Variants in CD96 observed in about 807,000 individuals in gnomAD.
CD96 encodes CD96 molecule, also known as T-cell surface protein tactile.
CD96 carries 70 observed loss-of-function variants against 71.3 expected under a neutral mutation model. That is an observed-to-expected ratio of 0.98 (90% CI 0.81 to 1.20). The LOEUF (loss-of-function observed/expected upper bound fraction) is 1.20, where lower values mean the gene tolerates loss of function less well. Among genes scored for constraint, CD96 ranks in the 50% most tolerant of loss-of-function variants. The pLI is 0.00. For missense variants in CD96, 742 were observed against 677.5 expected, an observed-to-expected ratio of 1.10 and a Z score of -1.06; for synonymous variants, 248 against 233.0, an observed-to-expected ratio of 1.06 and a Z score of -0.59.
intron 2 of CD96, among the ~76,000 whole-genome samples, chr3:111,552,120 C>T (rs1576303863): frequency 6.6e-6 from 1 of 152,148 alleles, no homozygotes; most frequent in East Asian, 1.9e-4. Context: ...TATTCATGTC[C>T]TGTGCCCACT....
chr3:111,604,221 C>T (rs1176323548), intron 7 of CD96, among the ~76,000 whole-genome samples: 1 of 152,122 alleles, frequency 6.6e-6, no homozygotes, highest in African/African-American at 2.4e-5. Flanking sequence ...TGCTGCTGCC[C>T]ATGAGGGTGG....
chr3:111,542,293 G>T lies in CD96; in HGVS notation c.45G>T (p.Gln15His). 5 of 1,613,802 alleles carry T rather than the reference G, an allele frequency of 3.1e-6. No individual in the cohort carries two copies. In the South Asian group the frequency reaches 5.5e-5, roughly 18 times the overall value. ...ACTGTGCTGTCTATTACATCATCCA[G>T]ATACATTTTGTCAAGGGTAAGACTT... Reference protein sequence around the residue: ...WKYCAVYYIIQIHFVKGVWEK... With the variant: ...WKYCAVYYIIHIHFVKGVWEK... Residue 15 changes from glutamine to histidine, a missense_variant, in exon 1 of 14, where the codon CAG becomes CAT. Physicochemically the swap from Gln to His is conservative, Grantham distance 24 (BLOSUM62 0). Coordinates refer to ENST00000352690, the MANE Select transcript of CD96 (RefSeq NM_005816.5).
intron 7 of CD96, among the ~76,000 whole-genome samples, chr3:111,602,213 C>T (rs758293439): frequency 4.6e-5 from 7 of 152,080 alleles, no homozygotes; most frequent in Non-Finnish European, 1.0e-4. Context: ...CTAAAGGACC[C>T]TAAAAGCTCA....
At position 111,546,338 on chromosome 3, in the gene CD96, T is replaced by C. The variant is rs576235397; in HGVS notation, c.418+936T>C. ...GAATTTATGAAAGTGATTCTGGGTA[T>C]ACAATATTTAGTCTAGGGCAGGTAA... On this transcript the variant is annotated intron_variant, in intron 2 of 13. Transcript: ENST00000352690. Among the ~76,000 whole-genome samples, 11 of 152,272 alleles carry C rather than the reference T, an allele frequency of 7.2e-5. No homozygotes were observed. The South Asian group carries it at 2.3e-3, about 32-fold the overall frequency.
chr3:111,565,805 A>G (rs1935680250), intron 2 of CD96, among the ~76,000 whole-genome samples: 1 of 151,796 alleles, frequency 6.6e-6, no homozygotes, highest in African/African-American at 2.4e-5. Context: ...AGTGCAAGAA[A>G]ATATATAACC....
At chr3:111,653,010 A>G (rs751722511), downstream of CD96, among the ~76,000 whole-genome samples, 5 of 152,098 alleles carry the variant, frequency 3.3e-5, no homozygotes, top group Non-Finnish European at 7.4e-5. Context: ...GTTAGTTAAC[A>G]TTGTTATTCA....
chr3:111,599,735 G>A (rs1359021103), intron 6 of CD96, among the ~76,000 whole-genome samples: 2 of 151,862 alleles, frequency 1.3e-5, no homozygotes, highest in Middle Eastern at 3.4e-3. Context: ...AAAAAAAAAA[G>A]TTATTATAAA....
At position 111,637,108 on chromosome 3, in the gene CD96, T is replaced by A. The variant is rs1278005777; in HGVS notation, c.1322-88T>A. 6 of 765,016 alleles carry A rather than the reference T, an allele frequency of 7.8e-6. No homozygotes were observed. The East Asian group carries it at 1.6e-4, about 20-fold the overall frequency. The allele number at this position is 765,016 out of a possible 1,614,324, so 47.4% of individuals were successfully genotyped here. A position where few individuals can be genotyped will look rare whatever the true frequency, so the allele number is the denominator to read the frequency against. On this transcript the variant is annotated intron_variant, in intron 10 of 13. Coordinates refer to ENST00000352690, the MANE Select transcript of CD96 (RefSeq NM_005816.5). ...TGCTTTATGTACTCATTAATATCCTTTTTTATAATTATTAGATTAAATTAG... is the reference window on the plus strand; with the variant it reads ...TGCTTTATGTACTCATTAATATCCTATTTTATAATTATTAGATTAAATTAG...
At chr3:111,620,660 G>A (rs183503496) in intron 8 of CD96, among the ~76,000 whole-genome samples, 6,018 of 152,270 alleles carry the variant, frequency 0.04, 169 homozygotes, top group Middle Eastern at 0.068. Flanking sequence ...CCTGGGGAAA[G>A]AGACTAGGAG....
chr3:111,568,814 C>T (rs546072596), intron 3 of CD96, among the ~76,000 whole-genome samples: 7 of 152,222 alleles, frequency 4.6e-5, no homozygotes, highest in Admixed American at 1.3e-4. Context: ...AACCAAATGG[C>T]AGCCAGCTAC....
intron 3 of CD96, among the ~76,000 whole-genome samples, chr3:111,573,786 T>C (rs1397170050): frequency 6.6e-5 from 10 of 152,214 alleles, no homozygotes; most frequent in Non-Finnish European, 1.3e-4. Context: ...CTATTTATGT[T>C]AAAAGGTAAG....
At chr3:111,646,477 A>T (rs1939831295) in intron 12 of CD96, among the ~76,000 whole-genome samples, 1 of 152,098 alleles carries the variant, frequency 6.6e-6, no homozygotes, top group Non-Finnish European at 1.5e-5. Flanking sequence ...CACTAGAGAA[A>T]TGCAAATTAA....
intron 4 of CD96, among the ~76,000 whole-genome samples, chr3:111,581,854 A>G (rs1196542732): frequency 6.6e-6 from 1 of 152,196 alleles, no homozygotes; most frequent in African/African-American, 2.4e-5. Flanking sequence ...AAACATCGAG[A>G]TAAGGATTGC....
intron 2 of CD96, among the ~76,000 whole-genome samples, chr3:111,546,893 A>G (rs527492755): frequency 2.1e-4 from 18 of 86,920 alleles, no homozygotes; most frequent in African/African-American, 5.7e-4. Flanking sequence ...AGGAAAACAC[A>G]CCACACACAC....
At chr3:111,580,099 C>T (rs1936398616) in intron 4 of CD96, among the ~76,000 whole-genome samples, 1 of 152,168 alleles carries the variant, frequency 6.6e-6, no homozygotes, top group Non-Finnish European at 1.5e-5. Flanking sequence ...GAAGTTCCTC[C>T]TCCCCTGCTA....
At chr3:111,657,961 C>T (rs1940273294) in intron 14 of CD96, among the ~76,000 whole-genome samples, 1 of 152,058 alleles carries the variant, frequency 6.6e-6, no homozygotes, top group Non-Finnish European at 1.5e-5. Context: ...TGTATATGTG[C>T]CTATATTTCC....
At chr3:111,634,610 A>G (rs1338484066) in intron 10 of CD96, 1 of 152,204 alleles carries the variant, frequency 6.6e-6, no homozygotes, top group Non-Finnish European at 1.5e-5. Flanking sequence ...TTAAAAGACA[A>G]TAGCGACAGG....
intron 4 of CD96, among the ~76,000 whole-genome samples, chr3:111,584,004 C>T (rs1433045438): frequency 1.3e-5 from 2 of 152,196 alleles, no homozygotes; most frequent in Non-Finnish European, 2.9e-5. Flanking sequence ...CATAGTCAGG[C>T]TGCAAATTTT....
intron 5 of CD96, among the ~76,000 whole-genome samples, chr3:111,587,543 T>C (rs1936772686): frequency 6.6e-6 from 1 of 152,182 alleles, no homozygotes; most frequent in Non-Finnish European, 1.5e-5. Flanking sequence ...TGAAGAATGG[T>C]GGTCCTCTTC....
Sources: gnomAD v4.1 joint callset for allele counts (sites outside exome capture counted in the v4.1 genomes callset) on GRCh38, gnomAD v4.1.1 for gene constraint, MANE v1.5 for transcripts, NCBI Gene and HGNC (gene_info 2026-07-23, HGNC 2026-07-21) for gene names.